Variants in ZNF124 observed in about 807,000 individuals in gnomAD.
ZNF124 encodes the protein zinc finger protein 124.
A neutral mutation model predicts 26.6 loss-of-function variants in ZNF124; 25 were observed. The ratio of observed to expected loss-of-function variants is 0.94; its 90% CI spans 0.68 to 1.31. The LOEUF is 1.31. Among genes scored for constraint, ZNF124 ranks in the 40% most tolerant of loss-of-function variants. The pLI, the probability that ZNF124 is intolerant of heterozygous loss-of-function variation, is 0.00. For synonymous variants in ZNF124, 129 were observed against 133.3 expected (o/e 0.97, Z 0.22); for missense variants, 444 against 422.2 (o/e 1.05, Z -0.45).
At chr1:247,157,594 G>A (rs1185582087) in intron 3 of ZNF124, 191 bp from the exon 4 acceptor site, 5 of 618,252 alleles carry the variant, frequency 8.1e-6, no homozygotes, top group Admixed American at 2.9e-5. Flanking sequence ...ATCATTAATG[G>A]TTTATTAGTT....
intron 3 of ZNF124, among the ~76,000 whole-genome samples, chr1:247,146,886 A>G (rs1269285780): frequency 6.6e-6 from 1 of 151,914 alleles, no homozygotes; most frequent in Non-Finnish European, 1.5e-5. Context: ...AATTTCTACT[A>G]GAACAGGTAC....
chr1:247,132,975 G>T (rs114192537), intron 3 of ZNF124, among the ~76,000 whole-genome samples: 1 of 152,142 alleles, frequency 6.6e-6, no homozygotes, highest in African/African-American at 2.4e-5. Flanking sequence ...TCTTTAACCC[G>T]GTGTCTGAGG....
At position 247,157,555 on chromosome 1, in the gene ZNF124, A is replaced by G. The variant is rs542093330; in HGVS notation, c.219-152T>C. The G allele has an allele frequency of 4.1e-5, 28 of 690,562 alleles. No homozygotes were observed. The South Asian group carries it at 5.1e-4, about 13-fold the overall frequency. 42.8% of individuals were successfully genotyped at this position (690,562 alleles called of 1,614,324 possible). The stretch of plus-strand genomic sequence containing the variant: ...TTTAATTTTACACAGTATGTCTATC[A>G]TATGACTTCTGCAAAAAATGACAAC... On this transcript the variant is annotated intron_variant, in intron 3 of 3. Transcript: ENST00000543802.
chr1:247,165,238 T>C (rs1673712784), intron 1 of ZNF124, among the ~76,000 whole-genome samples: 1 of 152,170 alleles, frequency 6.6e-6, no homozygotes, highest in South Asian at 2.1e-4. Context: ...AGTGCTGGGA[T>C]TACAGGCGTG....
At chr1:247,136,360 C>T (rs1321477363) in intron 3 of ZNF124, among the ~76,000 whole-genome samples, 1 of 151,982 alleles carries the variant, frequency 6.6e-6, no homozygotes, top group Non-Finnish European at 1.5e-5. Flanking sequence ...AATAGGCAAG[C>T]AGAGAGTCAA....
intron 3 of ZNF124, chr1:247,123,995 A>AT (rs1226529867): frequency 7.6e-6 from 5 of 658,920 alleles, no homozygotes; most frequent in African/African-American, 5.5e-5. Flanking sequence ...CGCCCGGCTA[A>AT]TTTTTTGTAT....
At chr1:247,146,625 T>A (rs140248896) in intron 3 of ZNF124, among the ~76,000 whole-genome samples, 111 of 152,342 alleles carry the variant, frequency 7.3e-4, no homozygotes, top group African/African-American at 2.6e-3. Context: ...TCTTGACTGC[T>A]GGAAGAATTA....
At chr1:247,134,868 A>G (rs935180093) in intron 3 of ZNF124, among the ~76,000 whole-genome samples, 2 of 152,240 alleles carry the variant, frequency 1.3e-5, no homozygotes. Flanking sequence ...ACTTCTTAGC[A>G]AATGCAAATG....
chr1:247,157,707 T>C (rs1408388086), intron 3 of ZNF124, among the ~76,000 whole-genome samples: 1 of 152,184 alleles, frequency 6.6e-6, no homozygotes, highest in Non-Finnish European at 1.5e-5. Context: ...TTGATTAGTC[T>C]ACAACATGGC....
intron 3 of ZNF124, 21 bp downstream of exon 3, chr1:247,158,985 C>T: frequency 1.2e-6 from 2 of 1,608,840 alleles, no homozygotes; most frequent in South Asian, 1.1e-5. Flanking sequence ...GGGACTGCTT[C>T]CTCTTGTGAG....
At chr1:247,158,957 C>A (rs745943223) in intron 3 of ZNF124, 49 bp downstream of exon 3, 1 of 1,546,788 alleles carries the variant, frequency 6.5e-7, no homozygotes, top group East Asian at 2.2e-5. Flanking sequence ...TGATTATATA[C>A]TACAATTGAC....
chr1:247,148,209 C>G (rs1672836549), intron 3 of ZNF124, among the ~76,000 whole-genome samples: 1 of 152,224 alleles, frequency 6.6e-6, no homozygotes, highest in African/African-American at 2.4e-5. Flanking sequence ...AACAACCTCG[C>G]TAACAGGTTG....
chr1:247,153,453 C>T (rs149915646), downstream of ZNF124, among the ~76,000 whole-genome samples: 148 of 152,296 alleles, frequency 9.7e-4, no homozygotes, highest in African/African-American at 3.4e-3. Flanking sequence ...ACTGAAGTCA[C>T]GGAGTGCCTT....
chr1:247,137,437 T>C (rs1672509435), intron 3 of ZNF124, among the ~76,000 whole-genome samples: 1 of 134,618 alleles, frequency 7.4e-6, no homozygotes, highest in Non-Finnish European at 1.6e-5. Context: ...AGGTTAGGCA[T>C]TCGAGATCAG....
intron 3 of ZNF124, among the ~76,000 whole-genome samples, chr1:247,131,520 C>T (rs563852397): frequency 2.0e-5 from 3 of 152,324 alleles, no homozygotes; most frequent in South Asian, 2.1e-4. Flanking sequence ...GGGACTCCAA[C>T]TGCCTAACGT....
chr1:247,162,030 A>C (rs991883148), intron 1 of ZNF124, among the ~76,000 whole-genome samples: 2 of 152,136 alleles, frequency 1.3e-5, no homozygotes, highest in Non-Finnish European at 2.9e-5. Flanking sequence ...CATCCAGCCA[A>C]AAGAAGCTTC....
At chr1:247,159,632 AC>A in intron 2 of ZNF124, 54 bp downstream of exon 2, 1 of 1,573,634 alleles carries the variant, frequency 6.4e-7, no homozygotes, top group Non-Finnish European at 8.7e-7. Context: ...GACATTGAAA[AC>A]CATGAAACAC....
intron 3 of ZNF124, among the ~76,000 whole-genome samples, chr1:247,145,633 GTTT>G (rs55923514): frequency 6.9e-6 from 1 of 144,446 alleles, no homozygotes; most frequent in Non-Finnish European, 1.5e-5. Context: ...AAAAACTTCT[GTTT>G]TTTTTTTTTT....
At chr1:247,161,328 T>A (rs1012914400) in intron 1 of ZNF124, among the ~76,000 whole-genome samples, 6 of 152,186 alleles carry the variant, frequency 3.9e-5, no homozygotes, top group Non-Finnish European at 7.4e-5. Context: ...GAAGGAAGTA[T>A]CAAGCACTTT....
Sources: gnomAD v4.1 joint callset for allele counts (sites outside exome capture counted in the v4.1 genomes callset) on GRCh38, gnomAD v4.1.1 for gene constraint, MANE v1.5 for transcripts, NCBI Gene and HGNC (gene_info 2026-07-23, HGNC 2026-07-21) for gene names.